ZC3H12B: variants seen among roughly 807,000 people sequenced by gnomAD.
ZC3H12B encodes the protein probable ribonuclease ZC3H12B.
Under a neutral mutation model 43.9 loss-of-function variants are expected in ZC3H12B, and 7 were observed. The observed-to-expected ratio is 0.16, with a 90% CI of 0.09 to 0.30. The LOEUF (loss-of-function observed/expected upper bound fraction) is 0.30, where lower values mean the gene tolerates loss of function less well. ZC3H12B is among the 10% of genes least tolerant of loss of function. The pLI, the probability that ZC3H12B is intolerant of heterozygous loss-of-function variation, is 1.00. For missense variants in ZC3H12B, 475 were observed against 670.2 expected (o/e 0.71, Z 3.22); for synonymous variants, 222 against 241.7 (o/e 0.92, Z 0.76).
chrX:65,195,847 T>C, the ZC3H12B span, among the ~76,000 whole-genome samples: 1 of 112,292 alleles, frequency 8.9e-6, no homozygotes, highest in Non-Finnish European at 1.9e-5. Flanking sequence ...TTGGCAGAAG[T>C]TTATTGCCCC....
chrX:65,462,198 C>G (rs1602488352), intron 3 of ZC3H12B, among the ~76,000 whole-genome samples: 1 of 110,773 alleles, frequency 9.0e-6, no homozygotes, highest in Admixed American at 9.7e-5. Flanking sequence ...CTATTATGCA[C>G]TGGGTATAAC....
the ZC3H12B span, among the ~76,000 whole-genome samples, chrX:65,141,813 A>G: frequency 1.1e-4 from 12 of 111,444 alleles, no homozygotes; most frequent in South Asian, 2.6e-3. Flanking sequence ...ATAGTCCCCA[A>G]TCTCATCCAG....
chrX:65,408,003 T>C, intron 3 of ZC3H12B: 2 of 1,066,082 alleles, frequency 1.9e-6, no homozygotes, highest in Admixed American at 6.5e-5. Flanking sequence ...CCGGCTTAAT[T>C]TTCCTCGGCG....
the ZC3H12B span, among the ~76,000 whole-genome samples, chrX:65,314,015 T>G: frequency 9.0e-6 from 1 of 111,615 alleles, no homozygotes; most frequent in Admixed American, 9.6e-5. Context: ...AAATACAGAA[T>G]CTGATATTTT....
intron 2 of ZC3H12B, among the ~76,000 whole-genome samples, chrX:65,374,380 A>T (rs1000359656): frequency 1.8e-4 from 18 of 101,597 alleles, no homozygotes; most frequent in Non-Finnish European, 3.1e-4. Context: ...ATCATGTAAC[A>T]TACCCATGTA....
chrX:65,254,782 G>C, the ZC3H12B span, among the ~76,000 whole-genome samples: 1 of 111,477 alleles, frequency 9.0e-6, no homozygotes, highest in East Asian at 2.8e-4. Flanking sequence ...TCTGGAAAAA[G>C]TCAAAACCAA....
the ZC3H12B span, among the ~76,000 whole-genome samples, chrX:65,129,060 G>A: frequency 9.1e-6 from 1 of 109,530 alleles, no homozygotes; most frequent in African/African-American, 3.3e-5. Flanking sequence ...GATGTGTTAG[G>A]GCTTATAAGT....
chrX:65,395,887 T>C lies in ZC3H12B; in HGVS notation n.296-2706T>C, dbSNP rs768223839. On this transcript the variant is annotated intron_variant and non_coding_transcript_variant, in intron 2 of 5. Coordinates refer to the ZC3H12B transcript ENST00000617377. ...AGAACTTGTTATTGGTCTATTCAGG[T>C]ATGCGACTTCTCTCACGTTTAGTAT... Among the ~76,000 whole-genome samples, 17 of 111,651 alleles carry C rather than the reference T, an allele frequency of 1.5e-4. No homozygotes were observed. The South Asian group carries it at 6.0e-3, about 40-fold the overall frequency.
chrX:65,372,499 GGAAA>G (rs1239517702), intron 2 of ZC3H12B, among the ~76,000 whole-genome samples: 4 of 82,040 alleles, frequency 4.9e-5, no homozygotes, highest in Admixed American at 4.5e-4. Flanking sequence ...AAGGAAGGAA[GGAAA>G]GGAAGGAAGG....
chrX:65,064,283 G>A, the ZC3H12B span, among the ~76,000 whole-genome samples: 1 of 111,891 alleles, frequency 8.9e-6, no homozygotes, highest in Non-Finnish European at 1.9e-5. Context: ...TCTGATGTGG[G>A]TATTTAATGC....
chrX:65,237,610 G>A, the ZC3H12B span, among the ~76,000 whole-genome samples: 1 of 109,637 alleles, frequency 9.1e-6, no homozygotes, highest in Non-Finnish European at 1.9e-5. Flanking sequence ...TCGAATACGA[G>A]TTGTGAGATA....
chrX:65,280,305 A>G, the ZC3H12B span, among the ~76,000 whole-genome samples: 2 of 112,639 alleles, frequency 1.8e-5, no homozygotes, highest in East Asian at 2.8e-4. Context: ...AAATCATATG[A>G]TCATCTCAAT....
At chrX:65,119,795 C>G in the ZC3H12B span, among the ~76,000 whole-genome samples, 1 of 111,958 alleles carries the variant, frequency 8.9e-6, no homozygotes, top group Non-Finnish European at 1.9e-5. Flanking sequence ...ATATTTAAGT[C>G]TTTAATCCAT....
chrX:65,118,428 C>G, the ZC3H12B span, among the ~76,000 whole-genome samples: 8 of 111,297 alleles, frequency 7.2e-5, no homozygotes, highest in Admixed American at 5.7e-4. Context: ...CTGAGACTTT[C>G]CTGAAGTTGC....
At chrX:65,119,400 GTGA>G in the ZC3H12B span, among the ~76,000 whole-genome samples, 12 of 112,213 alleles carry the variant, frequency 1.1e-4, no homozygotes, top group Admixed American at 1.1e-3. Flanking sequence ...CTGATGGCCA[GTGA>G]TGATGAGCAT....
chrX:65,405,263 C>G (rs1273104097), intron 3 of ZC3H12B, among the ~76,000 whole-genome samples: 1 of 112,417 alleles, frequency 8.9e-6, no homozygotes, highest in Non-Finnish European at 1.9e-5. Context: ...AATAAACAAT[C>G]TAATGATACA....
At chrX:65,113,985 G>GTATATA in the ZC3H12B span, among the ~76,000 whole-genome samples, 475 of 47,379 alleles carry the variant, frequency 0.01, 24 homozygotes, top group East Asian at 0.022. Context: ...AGATATGCTT[G>GTATATA]TATATATATA....
intron 2 of ZC3H12B, among the ~76,000 whole-genome samples, chrX:65,392,867 T>C (rs2066644333): frequency 8.9e-6 from 1 of 112,823 alleles, no homozygotes; most frequent in African/African-American, 3.2e-5. Context: ...TAGAACGAAG[T>C]AGACATAGGA....
At chrX:65,175,502 C>T in the ZC3H12B span, among the ~76,000 whole-genome samples, 1 of 111,840 alleles carries the variant, frequency 8.9e-6, no homozygotes, top group African/African-American at 3.2e-5. Flanking sequence ...GTTCCAAAAT[C>T]AAAAACTTTT....
Sources: gnomAD v4.1 joint callset for allele counts (sites outside exome capture counted in the v4.1 genomes callset) on GRCh38, gnomAD v4.1.1 for gene constraint, MANE v1.5 for transcripts, NCBI Gene and HGNC (gene_info 2026-07-23, HGNC 2026-07-21) for gene names.